Variants in CYB5B observed in about 807,000 individuals in gnomAD.
CYB5B encodes cytochrome b5 type B (outer mitochondrial membrane).
Under a neutral mutation model 21.3 loss-of-function variants are expected in CYB5B, and 14 were observed. That is an observed-to-expected ratio of 0.66 (90% CI 0.43 to 1.03). The LOEUF (loss-of-function observed/expected upper bound fraction) is 1.03. Ranked by LOEUF, CYB5B falls within the 50% of genes least tolerant of loss-of-function variation. The pLI, the probability that CYB5B is intolerant of heterozygous loss-of-function variation, is 0.00. For synonymous variants in CYB5B, 69 were observed against 68.4 expected (o/e 1.01, Z -0.04); for missense variants, 166 against 185.1 (o/e 0.90, Z 0.60).
At chr16:69,426,742 T>C (rs1203469009) in intron 1 of CYB5B, among the ~76,000 whole-genome samples, 1 of 138,170 alleles carries the variant, frequency 7.2e-6, no homozygotes, top group Non-Finnish European at 1.6e-5. Context: ...ACTTGGATAG[T>C]AGTGATTTTT....
intron 1 of CYB5B, among the ~76,000 whole-genome samples, chr16:69,430,950 G>A (rs1276743022): frequency 1.3e-5 from 2 of 151,908 alleles, no homozygotes; most frequent in African/African-American, 4.8e-5. Flanking sequence ...TGGGATTACA[G>A]GTGTGAGCCA....
chr16:69,459,984 C>G (rs1427885184), intron 4 of CYB5B, among the ~76,000 whole-genome samples: 1 of 152,146 alleles, frequency 6.6e-6, no homozygotes, highest in South Asian at 2.1e-4. Context: ...GGCGCGGTGG[C>G]TCACGCTTGT....
intron 3 of CYB5B, among the ~76,000 whole-genome samples, chr16:69,452,977 G>A (rs903384968): frequency 1.3e-5 from 2 of 149,586 alleles, no homozygotes; most frequent in African/African-American, 4.9e-5. Context: ...CCAGCCTGGT[G>A]AGAGAGCGAG....
At position 69,465,802 on chromosome 16, in the gene CYB5B, G is replaced by T. The variant is rs796767672; in HGVS notation, c.*3282G>T. On this transcript the variant is annotated 3_prime_UTR_variant, in exon 5 of 5. Coordinates refer to ENST00000307892, the MANE Select transcript of CYB5B (RefSeq NM_030579.3). The stretch of plus-strand genomic sequence containing the variant: ...ATTCAGACATGTCTTGTCTCAACAA[G>T]AAATTGATTTTTTTTTAAACTATCT... 24 of 152,272 alleles carry T rather than the reference G, an allele frequency of 1.6e-4. No homozygotes were observed. The highest frequency in any genetic ancestry group is 4.3e-4 in the African/African-American group (18 of 41,560). The allele number at this position is 152,272 out of a possible 1,614,324, so 9.4% of individuals were successfully genotyped here.
At chr16:69,443,972 A>G (rs1382641830) in intron 1 of CYB5B, 2 of 152,520 alleles carry the variant, frequency 1.3e-5, no homozygotes, top group Non-Finnish European at 2.9e-5. Flanking sequence ...TAAGAATCAT[A>G]GGGATGACGT....
At chr16:69,441,419 G>T (rs2014822393) in intron 1 of CYB5B, among the ~76,000 whole-genome samples, 1 of 152,200 alleles carries the variant, frequency 6.6e-6, no homozygotes, top group Non-Finnish European at 1.5e-5. Context: ...CTCCCAAAGT[G>T]CTGGGATTAT....
At chr16:69,449,264 G>T (rs1443305354) in intron 3 of CYB5B, 1 of 151,680 alleles carries the variant, frequency 6.6e-6, no homozygotes, top group Non-Finnish European at 1.5e-5. Context: ...GTTTCTTCCT[G>T]TCTCAAGCTC....
rs2015050426 is a variant in CYB5B at position 69,462,938 on chromosome 16, T to TG, written c.*418_*419insG. The TG allele has an allele frequency of 1.3e-5, 2 of 159,656 alleles. No homozygotes were observed. The highest frequency in any genetic ancestry group is 1.2e-4 in the Admixed American group (2 of 16,670). 9.9% of individuals were successfully genotyped at this position (159,656 alleles called of 1,614,324 possible). ...TTTTCCATTTTTCTTTTAAGTAAAT[T>TG]TTTTTTAAAAAATTCTGATTTAGGG... On this transcript the variant is annotated 3_prime_UTR_variant, in exon 5 of 5. Transcript: ENST00000307892.
Position 69,451,524 on chromosome 16 carries a change from A to G in CYB5B, c.333+3380A>G, listed in dbSNP as rs563084867. On this transcript the variant is annotated intron_variant, in intron 3 of 4. Transcript: ENST00000307892. ...CAGATATTATCTAGATAATAGTTCAACTGCTTTACTAGTTAAATCTTGTAG... is the reference window on the plus strand; with the variant it reads ...CAGATATTATCTAGATAATAGTTCAGCTGCTTTACTAGTTAAATCTTGTAG... Among the ~76,000 whole-genome samples the G allele has an allele frequency of 2.6e-5, 4 of 152,310 alleles. No individual in the cohort carries two copies. In the South Asian group the frequency reaches 8.3e-4, roughly 32 times the overall value.
rs1017849037 is a variant in CYB5B at position 69,463,582 on chromosome 16, T to C, written c.*1062T>C. 13 of 152,194 alleles carry C rather than the reference T, an allele frequency of 8.5e-5. No homozygotes were observed. Among genetic ancestry groups the C allele is most frequent in the African/African-American group, 3.1e-4 (13 of 41,434 alleles). The allele number at this position is 152,194 out of a possible 1,614,324, so 9.4% of individuals were successfully genotyped here. ...CAAGGAGTTTCCCTCCTTTTTTGTTTGTTGATTAGCAAATTTTTGATTCTC... is the reference window on the plus strand; with the variant it reads ...CAAGGAGTTTCCCTCCTTTTTTGTTCGTTGATTAGCAAATTTTTGATTCTC... On this transcript the variant is annotated 3_prime_UTR_variant, in exon 5 of 5. Coordinates refer to ENST00000307892, the MANE Select transcript of CYB5B (RefSeq NM_030579.3).
chr16:69,446,777 A>G (rs2014882259), intron 1 of CYB5B, among the ~76,000 whole-genome samples: 1 of 152,202 alleles, frequency 6.6e-6, no homozygotes, highest in South Asian at 2.1e-4. Context: ...AGGATCACCC[A>G]TTATTCCCAG....
chr16:69,445,435 A>G (rs977469106), intron 1 of CYB5B, among the ~76,000 whole-genome samples: 1 of 152,248 alleles, frequency 6.6e-6, no homozygotes, highest in African/African-American at 2.4e-5. Context: ...TTATACTTCA[A>G]TTGAATTAAC....
intron 1 of CYB5B, among the ~76,000 whole-genome samples, chr16:69,445,825 G>T (rs866947206): frequency 2.3e-4 from 35 of 152,110 alleles, no homozygotes; most frequent in Non-Finnish European, 1.0e-4. Context: ...GCATGGTGGC[G>T]CATGCCTGTA....
intron 1 of CYB5B, among the ~76,000 whole-genome samples, chr16:69,436,526 C>T (rs1325690761): frequency 6.6e-6 from 1 of 152,158 alleles, no homozygotes; most frequent in Admixed American, 6.5e-5. Context: ...AGACCTGCAC[C>T]GTTTCCTCCT....
chr16:69,460,190 C>T (rs1200261606), intron 4 of CYB5B, among the ~76,000 whole-genome samples: 1 of 151,786 alleles, frequency 6.6e-6, no homozygotes, highest in Non-Finnish European at 1.5e-5. Flanking sequence ...GCCAAGATCG[C>T]TCCATTGCAC....
Position 69,424,787 on chromosome 16 carries a change from G to T in CYB5B, c.104G>T (p.Arg35Leu), listed in dbSNP as rs769306783. The change falls in exon 1 of 5, where the codon CGC becomes CTC. Residue 35 changes from arginine (R) to leucine (L), a missense_variant. Transcript: ENST00000307892. ...TYYRLEEVAK[R>L]NSLKELWLVI... Reference sequence around the variant, plus strand: ...TACCGGTTGGAGGAGGTGGCAAAGCGCAACTCCTTGAAGGAACTGTGGCTT... The same window carrying T: ...TACCGGTTGGAGGAGGTGGCAAAGCTCAACTCCTTGAAGGAACTGTGGCTT... 7.5e-6 allele frequency: 12 copies of T among 1,609,282 alleles called. No homozygotes were observed. The highest frequency in any genetic ancestry group is 2.2e-5 in the South Asian group (2 of 90,408).
At chr16:69,446,037 C>T (rs1473753644) in intron 1 of CYB5B, among the ~76,000 whole-genome samples, 4 of 152,078 alleles carry the variant, frequency 2.6e-5, no homozygotes, top group African/African-American at 9.7e-5. Flanking sequence ...GGTTCTTTCA[C>T]CATTTTCAGA....
At position 69,465,374 on chromosome 16, in the gene CYB5B, A is replaced by C. The variant is rs2015079015; in HGVS notation, c.*2854A>C. 10 of 152,204 alleles carry C rather than the reference A, an allele frequency of 6.6e-5. No homozygotes were observed. Among genetic ancestry groups the C allele is most frequent in the Admixed American group, 6.5e-4 (10 of 15,272 alleles). The allele number at this position is 152,204 out of a possible 1,614,324, so 9.4% of individuals were successfully genotyped here. On this transcript the variant is annotated 3_prime_UTR_variant, in exon 5 of 5. Transcript: ENST00000307892. ...TAGAGTCTAGTTTGAAATGACACCA[A>C]AATTCCTCAGCCCCTACTCAGCAAT...
At chr16:69,446,871 A>G (rs141590369) in intron 1 of CYB5B, among the ~76,000 whole-genome samples, 3 of 152,294 alleles carry the variant, frequency 2.0e-5, no homozygotes, top group African/African-American at 4.8e-5. Flanking sequence ...ATCTTTAGAG[A>G]TCACAGGCCA....
Sources: gnomAD v4.1 joint callset for allele counts (sites outside exome capture counted in the v4.1 genomes callset) on GRCh38, gnomAD v4.1.1 for gene constraint, MANE v1.5 for transcripts, NCBI Gene and HGNC (gene_info 2026-07-23, HGNC 2026-07-21) for gene names.